SLC5A11: variants seen among roughly 807,000 people sequenced by gnomAD.
The protein encoded by SLC5A11 is solute carrier family 5 member 11, also known as sodium/myo-inositol cotransporter 2.
A neutral mutation model predicts 69.8 loss-of-function variants in SLC5A11; 48 were observed. The ratio of observed to expected loss-of-function variants is 0.69; its 90% CI spans 0.55 to 0.87. The LOEUF (loss-of-function observed/expected upper bound fraction) is 0.87. Among genes scored for constraint, SLC5A11 ranks in the 40% least tolerant of loss-of-function variants. SLC5A11 has a pLI of 0.00. For synonymous variants in SLC5A11, 319 were observed against 342.4 expected, an observed-to-expected ratio of 0.93 and a Z score of 0.75; for missense variants, 784 against 866.1, an observed-to-expected ratio of 0.91 and a Z score of 1.19.
chr16:24,849,593 A>AAAATATATATATATAT, intron 1 of SLC5A11, among the ~76,000 whole-genome samples: 2 of 35,902 alleles, frequency 5.6e-5, no homozygotes, highest in Non-Finnish European at 1.1e-4. Context: ...AAAAAAAAAA[A>AAAATATATATATATAT]ATATATATAT....
intron 9 of SLC5A11, among the ~76,000 whole-genome samples, chr16:24,892,094 G>A (rs1410985996): frequency 6.6e-6 from 1 of 151,470 alleles, no homozygotes; most frequent in Non-Finnish European, 1.5e-5. Context: ...AGGCACGGTG[G>A]TGTGCAGCTG....
At position 24,906,770 on chromosome 16, in the gene SLC5A11, G is replaced by T. The variant is rs1279391339; in HGVS notation, c.1114+6G>T. On this transcript the variant is annotated splice_donor_region_variant and intron_variant, in intron 11 of 15. Transcript: ENST00000347898. ...GCTGGAACTCCTGCCCACAGGTAAT[G>T]TCCCTTCACTCCTGAATCAAGTCCC... The T allele has an allele frequency of 5.6e-6, 9 of 1,607,292 alleles. No homozygotes were observed. Among genetic ancestry groups the T allele is most frequent in the Non-Finnish European group, 7.7e-6 (9 of 1,175,310 alleles).
intron 3 of SLC5A11, among the ~76,000 whole-genome samples, chr16:24,865,924 T>C (rs1039581937): frequency 1.3e-5 from 2 of 151,598 alleles, no homozygotes; most frequent in Non-Finnish European, 2.9e-5. Flanking sequence ...TCTCTCTAAT[T>C]TAAAAGACAG....
intron 5 of SLC5A11, among the ~76,000 whole-genome samples, chr16:24,873,592 G>T (rs572084396): frequency 1.2e-4 from 19 of 152,054 alleles, no homozygotes; most frequent in Admixed American, 4.6e-4. Flanking sequence ...GAACCCAGGA[G>T]ATCAGGGCTG....
chr16:24,890,084 G>A (rs1421003540), intron 8 of SLC5A11, among the ~76,000 whole-genome samples: 1 of 152,146 alleles, frequency 6.6e-6, no homozygotes, highest in African/African-American at 2.4e-5. Context: ...ACACACAGGG[G>A]AGAATTACAG....
chr16:24,911,605 A>T, exon 16 of SLC5A11: 5 of 1,472,892 alleles, frequency 3.4e-6, no homozygotes, highest in Non-Finnish European at 4.7e-6. Context: ...AGAAAAAATA[A>T]TAAAGCTTTT....
intron 1 of SLC5A11, among the ~76,000 whole-genome samples, chr16:24,857,026 C>T (rs531390620): frequency 3.4e-4 from 51 of 152,128 alleles, no homozygotes; most frequent in Non-Finnish European, 4.3e-4. Context: ...CACCACGTTG[C>T]CCAGGTTGGA....
chr16:24,906,323 A>G (rs2050055520), intron 10 of SLC5A11, among the ~76,000 whole-genome samples: 1 of 150,560 alleles, frequency 6.6e-6, no homozygotes, highest in Admixed American at 6.6e-5. Context: ...CCTGGGCGAC[A>G]GAGCAAGAGG....
intron 8 of SLC5A11, among the ~76,000 whole-genome samples, chr16:24,885,947 T>A (rs112054903): frequency 6.6e-6 from 1 of 151,460 alleles, no homozygotes; most frequent in African/African-American, 2.4e-5. Flanking sequence ...TCTAAAAAAA[T>A]TAGCAGAATT....
At chr16:24,852,643 G>A (rs1324638715) in intron 1 of SLC5A11, among the ~76,000 whole-genome samples, 2 of 152,176 alleles carry the variant, frequency 1.3e-5, no homozygotes, top group Non-Finnish European at 2.9e-5. Context: ...AAGGGTGCCC[G>A]GGGTCACTTC....
chr16:24,872,230 G>A lies in SLC5A11; in HGVS notation c.372+11G>A, dbSNP rs778019293. ...TACATTGCTGGTCAGGTGAGTCGGG[G>A]GACATTGGGATGCTGTAGAATTGAA... On this transcript the variant is annotated intron_variant, in intron 5 of 15. Coordinates refer to ENST00000347898, the Ensembl canonical transcript of SLC5A11. The A allele has an allele frequency of 1.2e-6, 2 of 1,614,056 alleles. No homozygotes were observed. Among genetic ancestry groups the A allele is most frequent in the Non-Finnish European group, 1.7e-6 (2 of 1,179,960 alleles).
chr16:24,901,122 T>C (rs1199156369), intron 10 of SLC5A11, among the ~76,000 whole-genome samples: 1 of 152,138 alleles, frequency 6.6e-6, no homozygotes, highest in East Asian at 1.9e-4. Context: ...AATGTCTCTT[T>C]GCTTCGTTTC....
intron 14 of SLC5A11, among the ~76,000 whole-genome samples, chr16:24,909,398 G>C (rs752932428): frequency 6.6e-5 from 10 of 152,058 alleles, no homozygotes; most frequent in Non-Finnish European, 1.0e-4. Context: ...CCAGCACTTC[G>C]GGAAGCTGAG....
intron 10 of SLC5A11, among the ~76,000 whole-genome samples, chr16:24,905,638 G>GTGCACACA (rs1555534419): frequency 4.3e-4 from 30 of 70,302 alleles, no homozygotes; most frequent in East Asian, 5.5e-4. Flanking sequence ...ACGCGCGCGC[G>GTGCACACA]CGCACACACA....
At chr16:24,877,715 G>A (rs184985545) in intron 7 of SLC5A11, among the ~76,000 whole-genome samples, 3 of 152,148 alleles carry the variant, frequency 2.0e-5, no homozygotes, top group Non-Finnish European at 2.9e-5. Flanking sequence ...GCCAGGCACG[G>A]TGGCTTACGC....
intron 12 of SLC5A11, 85 bp downstream of exon 13, chr16:24,907,260 C>G: frequency 6.7e-7 from 1 of 1,482,028 alleles, no homozygotes; most frequent in Non-Finnish European, 9.2e-7. Flanking sequence ...AGCCAGCAAC[C>G]TATCCAGGCT....
intron 4 of SLC5A11, 42 bp downstream of exon 5, chr16:24,870,047 C>T: frequency 2.2e-6 from 3 of 1,368,382 alleles, no homozygotes; most frequent in Non-Finnish European, 3.1e-6. Flanking sequence ...CTTACCTCTA[C>T]CTAACAGGTA....
chr16:24,884,577 C>T (rs2048278306), intron 8 of SLC5A11, among the ~76,000 whole-genome samples: 1 of 144,650 alleles, frequency 6.9e-6, no homozygotes, highest in African/African-American at 2.6e-5. Flanking sequence ...TCTCAAACTC[C>T]TGGCCTCAAG....
chr16:24,876,028 C>T (rs950634178), intron 6 of SLC5A11, among the ~76,000 whole-genome samples: 1 of 151,968 alleles, frequency 6.6e-6, no homozygotes, highest in Non-Finnish European at 1.5e-5. Flanking sequence ...AACCCCATCT[C>T]TACCAGAAAA....
Sources: gnomAD v4.1 joint callset for allele counts (sites outside exome capture counted in the v4.1 genomes callset) on GRCh38, gnomAD v4.1.1 for gene constraint, MANE v1.5 for transcripts, NCBI Gene and HGNC (gene_info 2026-07-23, HGNC 2026-07-21) for gene names.